Variants in GRHL2 observed in about 807,000 individuals in gnomAD.
GRHL2 encodes grainyhead-like protein 2 homolog.
A neutral mutation model predicts 83.8 loss-of-function variants in GRHL2; 21 were observed. That is an observed-to-expected ratio of 0.25 (90% CI 0.18 to 0.36). The LOEUF (loss-of-function observed/expected upper bound fraction) is 0.36, where lower values mean the gene tolerates loss of function less well. Among genes scored for constraint, GRHL2 ranks in the 10% least tolerant of loss-of-function variants. GRHL2 has a pLI of 1.00. For missense variants in GRHL2, 623 were observed against 781.8 expected (o/e 0.80, Z 2.42); for synonymous variants, 280 against 278.9 (o/e 1.00, Z -0.04).
At position 101,636,947 on chromosome 8, in the gene GRHL2, T is replaced by C; in HGVS notation, c.1517+19T>C. 6.2e-7 allele frequency: 1 copy of C among 1,610,784 alleles called. No homozygotes were observed. The highest frequency in any genetic ancestry group is 8.5e-7 in the Non-Finnish European group (1 of 1,176,978). On this transcript the variant is annotated intron_variant, in intron 12 of 15. Transcript: ENST00000646743. ...GAGAAGGGTAAGACACTCAGTTCTT[T>C]CATTTCAACACTCCAAGTCAGCTCA...
At chr8:101,665,272 T>TAA (rs996061104) in intron 15 of GRHL2, among the ~76,000 whole-genome samples, 3 of 152,156 alleles carry the variant, frequency 2.0e-5, no homozygotes, top group Non-Finnish European at 4.4e-5. Context: ...TGTGACGGTC[T>TAA]AAGAGTAGGG....
At position 101,502,616 on chromosome 8, in the gene GRHL2, G is replaced by A. The variant is rs149946607; in HGVS notation, c.20+9827G>A. Among the ~76,000 whole-genome samples, 55 of 152,312 alleles carry A rather than the reference G, an allele frequency of 3.6e-4. 1 individual carries two copies. Among genetic ancestry groups the A allele is most frequent in the African/African-American group, 1.2e-3 (51 of 41,574 alleles). On this transcript the variant is annotated intron_variant, in intron 1 of 15. Coordinates refer to ENST00000646743, the MANE Select transcript of GRHL2 (RefSeq NM_024915.4). ...GAACTTCTTCCCAGAGACAGCCCAG[G>A]AAGTGTTCATTCTGGCAGGCTCATG... is the stretch of plus-strand genomic sequence containing the variant.
At chr8:101,643,159 A>G (rs896331821) in intron 12 of GRHL2, among the ~76,000 whole-genome samples, 1 of 151,954 alleles carries the variant, frequency 6.6e-6, no homozygotes, top group Non-Finnish European at 1.5e-5. Context: ...CCCTCATGTC[A>G]TATTTTTGGG....
At chr8:101,545,427 G>A (rs903485500) in intron 2 of GRHL2, among the ~76,000 whole-genome samples, 1 of 113,810 alleles carries the variant, frequency 8.8e-6, no homozygotes, top group Non-Finnish European at 1.6e-5. Context: ...TTTCTCTACA[G>A]TGAAGGGGAA....
intron 1 of GRHL2, among the ~76,000 whole-genome samples, chr8:101,521,841 G>A (rs1810692073): frequency 6.6e-6 from 1 of 152,172 alleles, no homozygotes; most frequent in Non-Finnish European, 1.5e-5. Context: ...GTAATAAGCT[G>A]ACTTGAACTA....
At chr8:101,531,679 G>T (rs1396548829) in intron 1 of GRHL2, among the ~76,000 whole-genome samples, 3 of 151,500 alleles carry the variant, frequency 2.0e-5, no homozygotes, top group Non-Finnish European at 4.4e-5. Flanking sequence ...ACTTTCTATT[G>T]TTATATCCTT....
At chr8:101,560,999 T>C (rs890536581) in intron 4 of GRHL2, among the ~76,000 whole-genome samples, 1 of 147,322 alleles carries the variant, frequency 6.8e-6, no homozygotes, top group Non-Finnish European at 1.5e-5. Flanking sequence ...GTCTACTTTA[T>C]TAATGTTGTC....
intron 11 of GRHL2, among the ~76,000 whole-genome samples, chr8:101,635,317 CA>C: frequency 6.6e-6 from 1 of 152,186 alleles, no homozygotes; most frequent in South Asian, 2.1e-4. Context: ...GCAATGGGCC[CA>C]ACAGCTGACA....
chr8:101,521,952 C>CTCA (rs1810694287), intron 1 of GRHL2, among the ~76,000 whole-genome samples: 1 of 152,050 alleles, frequency 6.6e-6, no homozygotes, highest in East Asian at 1.9e-4. Context: ...ACAGCAGGAG[C>CTCA]TCAATAAAGG....
chr8:101,651,141 A>T lies in GRHL2; in HGVS notation c.1698+1642A>T, dbSNP rs376665265. 7.2e-5 allele frequency among the ~76,000 whole-genome samples: 11 copies of T among 152,360 alleles called. No homozygotes were observed. The East Asian group carries it at 1.7e-3, about 24-fold the overall frequency. ...AAAATGAGTCTAAGATTGCTAGGGGATAGACTAAGCTGGAAGCTCATAAGC... is the reference window on the plus strand; with the variant it reads ...AAAATGAGTCTAAGATTGCTAGGGGTTAGACTAAGCTGGAAGCTCATAAGC... On this transcript the variant is annotated intron_variant, in intron 14 of 15. Transcript: ENST00000646743.
intron 1 of GRHL2, among the ~76,000 whole-genome samples, chr8:101,496,194 A>G (rs1810100825): frequency 6.6e-6 from 1 of 150,816 alleles, no homozygotes; most frequent in Non-Finnish European, 1.5e-5. Flanking sequence ...GCCTCTCCCT[A>G]CTCATCGCAT....
chr8:101,590,896 A>G (rs1032971126), intron 7 of GRHL2, among the ~76,000 whole-genome samples: 2 of 152,226 alleles, frequency 1.3e-5, no homozygotes, highest in African/African-American at 4.8e-5. Context: ...GAAGAGAAGC[A>G]ATCTTTATAT....
intron 3 of GRHL2, among the ~76,000 whole-genome samples, chr8:101,557,163 A>G (rs1022278247): frequency 1.4e-4 from 22 of 152,136 alleles, no homozygotes; most frequent in Non-Finnish European, 3.1e-4. Context: ...CTAAAAAATA[A>G]AAAAGGACAT....
intron 7 of GRHL2, among the ~76,000 whole-genome samples, chr8:101,580,130 C>T (rs1009575186): frequency 2.6e-4 from 40 of 152,040 alleles, no homozygotes; most frequent in Admixed American, 1.2e-3. Flanking sequence ...AGTTAGAGAC[C>T]GAGATGAGGG....
chr8:101,632,134 A>G (rs915693234), intron 10 of GRHL2, 92 bp from the exon 11 acceptor site: 7 of 1,361,306 alleles, frequency 5.1e-6, no homozygotes, highest in Non-Finnish European at 7.4e-6. Context: ...AGAAAGCTTC[A>G]TATGAGAAAA....
intron 7 of GRHL2, among the ~76,000 whole-genome samples, chr8:101,587,188 T>A (rs534743693): frequency 5.4e-4 from 82 of 152,352 alleles, no homozygotes; most frequent in Middle Eastern, 6.8e-3. Flanking sequence ...CGGAACTCAG[T>A]TTATCTGGTT....
intron 2 of GRHL2, among the ~76,000 whole-genome samples, chr8:101,550,189 T>C (rs1965601): frequency 3.2e-5 from 1 of 31,426 alleles, no homozygotes; most frequent in Non-Finnish European, 1.5e-4. Context: ...TTTTTTTTTT[T>C]TAAAAAAATT....
At chr8:101,570,068 A>G (rs967387173) in intron 4 of GRHL2, among the ~76,000 whole-genome samples, 1 of 152,240 alleles carries the variant, frequency 6.6e-6, no homozygotes, top group Non-Finnish European at 1.5e-5. Context: ...TATTTGAGGA[A>G]ACAGCTTCCA....
chr8:101,559,666 ATTC>A (rs1811567608), intron 4 of GRHL2, among the ~76,000 whole-genome samples: 1 of 152,234 alleles, frequency 6.6e-6, no homozygotes, highest in Non-Finnish European at 1.5e-5. Flanking sequence ...GAGAATATGT[ATTC>A]TTCTCAGGAG....
Sources: gnomAD v4.1 joint callset for allele counts (sites outside exome capture counted in the v4.1 genomes callset) on GRCh38, gnomAD v4.1.1 for gene constraint, MANE v1.5 for transcripts, NCBI Gene and HGNC (gene_info 2026-07-23, HGNC 2026-07-21) for gene names.